Variants in COLEC10 observed in about 807,000 individuals in gnomAD.
COLEC10 encodes collectin subfamily member 10.
In COLEC10, 22 loss-of-function variants were observed where a neutral mutation model predicts 28.4. The ratio of observed to expected loss-of-function variants is 0.78; its 90% CI spans 0.55 to 1.11. The LOEUF is 1.11. Ranked by LOEUF, COLEC10 falls within the 50% of genes least tolerant of loss-of-function variation. COLEC10 has a pLI of 0.00. For synonymous variants in COLEC10, 125 were observed against 116.1 expected, an observed-to-expected ratio of 1.08 and a Z score of -0.49; for missense variants, 361 against 344.1, an observed-to-expected ratio of 1.05 and a Z score of -0.39.
At chr8:119,088,312 A>G (rs538774762) in intron 1 of COLEC10, among the ~76,000 whole-genome samples, 1 of 152,284 alleles carries the variant, frequency 6.6e-6, no homozygotes, top group African/African-American at 2.4e-5. Flanking sequence ...CTGACCACAG[A>G]TATCACCTGT....
chr8:119,003,819 G>C (rs970302958), intron 1 of COLEC10, among the ~76,000 whole-genome samples: 5 of 152,018 alleles, frequency 3.3e-5, no homozygotes, highest in Non-Finnish European at 7.4e-5. Flanking sequence ...ACATGGAAAA[G>C]TATAATATTT....
chr8:118,991,411 T>C (rs1813504726), upstream of COLEC10, among the ~76,000 whole-genome samples: 1 of 152,292 alleles, frequency 6.6e-6, no homozygotes, highest in East Asian at 1.9e-4. Context: ...TGAATACTTA[T>C]GAAAAATATC....
chr8:119,051,961 A>C (rs1368937220), intron 2 of COLEC10, among the ~76,000 whole-genome samples: 3 of 152,188 alleles, frequency 2.0e-5, no homozygotes, highest in Non-Finnish European at 2.9e-5. Context: ...CATATTTAAA[A>C]AAATGAGAAT....
At chr8:118,977,726 C>A in the COLEC10 span, among the ~76,000 whole-genome samples, 1 of 143,934 alleles carries the variant, frequency 6.9e-6, no homozygotes, top group Non-Finnish European at 1.5e-5. Flanking sequence ...TGCACATGTA[C>A]CCTAAAACTT....
chr8:118,978,343 T>A, the COLEC10 span, among the ~76,000 whole-genome samples: 1 of 152,048 alleles, frequency 6.6e-6, no homozygotes, highest in South Asian at 2.1e-4. Flanking sequence ...GTCTCAAATA[T>A]CCAACCAAAA....
intron 5 of COLEC10, 60 bp downstream of exon 5, chr8:119,103,955 T>C: frequency 9.1e-7 from 1 of 1,093,292 alleles, no homozygotes; most frequent in Non-Finnish European, 1.4e-6. Flanking sequence ...ACACTACAAT[T>C]CCAGTACTCT....
chr8:119,000,200 A>T (rs1471676525), intron 1 of COLEC10, among the ~76,000 whole-genome samples: 1 of 152,198 alleles, frequency 6.6e-6, no homozygotes, highest in Non-Finnish European at 1.5e-5. Context: ...AGATGAGGTC[A>T]TTCTTTCCTG....
intron 2 of COLEC10, among the ~76,000 whole-genome samples, chr8:119,027,499 A>T (rs1329801235): frequency 2.0e-5 from 3 of 152,138 alleles, no homozygotes; most frequent in Non-Finnish European, 4.4e-5. Context: ...TGCAAATTCA[A>T]ATCCAGTCAT....
At chr8:118,994,041 A>AC (rs1431612711), upstream of COLEC10, among the ~76,000 whole-genome samples, 1 of 152,170 alleles carries the variant, frequency 6.6e-6, no homozygotes, top group Non-Finnish European at 1.5e-5. Flanking sequence ...AAAATGGAGA[A>AC]CATATTGTCC....
intron 2 of COLEC10, among the ~76,000 whole-genome samples, chr8:119,055,619 G>A (rs1437773255): frequency 6.6e-6 from 1 of 152,006 alleles, no homozygotes; most frequent in Non-Finnish European, 1.5e-5. Context: ...AATTTAATCA[G>A]CTATTTGTCT....
upstream of COLEC10, chr8:119,067,170 TGGAA>T: frequency 1.8e-6 from 2 of 1,116,474 alleles, no homozygotes; most frequent in Middle Eastern, 2.1e-4. Context: ...TAGCCCTTTT[TGGAA>T]TGTGTGTTCC....
At chr8:119,101,994 T>G (rs941109550) in intron 3 of COLEC10, among the ~76,000 whole-genome samples, 6 of 152,126 alleles carry the variant, frequency 3.9e-5, no homozygotes, top group African/African-American at 1.4e-4. Flanking sequence ...AAAAAAATGT[T>G]AATAGGACAG....
At chr8:119,018,317 G>T (rs369535390) in intron 2 of COLEC10, among the ~76,000 whole-genome samples, 68 of 152,092 alleles carry the variant, frequency 4.5e-4, no homozygotes, top group African/African-American at 1.5e-3. Flanking sequence ...TGTTCTTAAA[G>T]GTATTGCCTT....
chr8:118,959,127 T>A, the COLEC10 span, among the ~76,000 whole-genome samples: 1 of 152,100 alleles, frequency 6.6e-6, no homozygotes, highest in Non-Finnish European at 1.5e-5. Context: ...TGTGGGGAGA[T>A]GAAAGGAAGA....
chr8:119,011,607 A>C (rs912399819), intron 2 of COLEC10, among the ~76,000 whole-genome samples: 11 of 150,966 alleles, frequency 7.3e-5, no homozygotes, highest in African/African-American at 2.7e-4. Context: ...ATGATCATGG[A>C]ATATTATTTA....
the COLEC10 span, among the ~76,000 whole-genome samples, chr8:118,984,240 C>A: frequency 6.6e-6 from 1 of 151,882 alleles, no homozygotes; most frequent in East Asian, 1.9e-4. Context: ...GAACAGAAAA[C>A]CAAATACTAT....
chr8:118,991,248 A>G (rs1443021817), upstream of COLEC10, among the ~76,000 whole-genome samples: 1 of 152,152 alleles, frequency 6.6e-6, no homozygotes, highest in Non-Finnish European at 1.5e-5. Context: ...CCTACCTGCA[A>G]CACTTACTAG....
chr8:119,005,017 C>T lies in COLEC10; in HGVS notation n.123-4424C>T, dbSNP rs1344378559. Among the ~76,000 whole-genome samples, 3 of 152,094 alleles carry T rather than the reference C, an allele frequency of 2.0e-5. No individual in the cohort carries two copies. The East Asian group carries it at 5.8e-4, about 29-fold the overall frequency. On this transcript the variant is annotated intron_variant and non_coding_transcript_variant, in intron 1 of 6. Transcript: ENST00000521788. ...CATGCAGGTATGATCATGTTATTTC[C>T]ATGCTCAAAATCCGTCAATGACATC...
In COLEC10 at chr8:119,104,071, C is replaced by CA. The variant is rs1246718117; in HGVS notation, c.442+178dup. On this transcript the variant is annotated intron_variant, in intron 5 of 5. Transcript: ENST00000332843. ...CCACTAAGACTCCCCTAGGACACCT[C>CA]AAGTCTGCTACATATATTTATATGT... Among the ~76,000 whole-genome samples the CA allele has an allele frequency of 2.0e-5, 3 of 152,166 alleles. No homozygotes were observed. In the East Asian group the frequency reaches 5.8e-4, roughly 29 times the overall value.
Sources: gnomAD v4.1 joint callset for allele counts (sites outside exome capture counted in the v4.1 genomes callset) on GRCh38, gnomAD v4.1.1 for gene constraint, MANE v1.5 for transcripts, NCBI Gene and HGNC (gene_info 2026-07-23, HGNC 2026-07-21) for gene names.